Variants in DCLRE1B observed in about 807,000 individuals in gnomAD.
DCLRE1B encodes DNA cross-link repair 1B.
In DCLRE1B, 6 loss-of-function variants were observed where a neutral mutation model predicts 19.8. The observed-to-expected ratio is 0.30, with a 90% confidence interval of 0.17 to 0.60. The LOEUF is 0.60. Ranked by LOEUF, DCLRE1B falls within the 20% of genes least tolerant of loss-of-function variation. The pLI is 0.87. For synonymous variants in DCLRE1B, 258 were observed against 255.7 expected, an observed-to-expected ratio of 1.01 and a Z score of -0.09; for missense variants, 622 against 654.2, an observed-to-expected ratio of 0.95 and a Z score of 0.54.
chr1:113,905,484 T>A lies in DCLRE1B; in HGVS notation c.-103T>A. ...TTTCCCTTAGGGTCTCTGGCCCTGT[T>A]CTTGCCCCAGCATGACTTTTATCGG... On this transcript the variant is annotated 5_prime_UTR_variant, in exon 1 of 4. Transcript: ENST00000650450. The A allele has an allele frequency of 8.1e-7, 1 of 1,227,814 alleles. No individual in the cohort carries two copies. The highest frequency in any genetic ancestry group is 1.2e-6 in the Non-Finnish European group (1 of 854,712). 76.1% of individuals were successfully genotyped at this position (1,227,814 alleles called of 1,614,324 possible).
At chr1:113,908,326 G>A (rs1175377244) in intron 3 of DCLRE1B, 135 bp downstream of exon 3, 3 of 1,208,758 alleles carry the variant, frequency 2.5e-6, no homozygotes, top group Non-Finnish European at 3.4e-6. Context: ...ATTGCAACCT[G>A]GCTAGGTGTG....
chr1:113,907,209 T>TTTTTTTC (rs1669060705), intron 2 of DCLRE1B, 48 bp downstream of exon 2: 1 of 729,400 alleles, frequency 1.4e-6, no homozygotes, highest in Non-Finnish European at 1.8e-6. Flanking sequence ...TAGATGTTTT[T>TTTTTTTC]TTTTTTTTTT....
intron 3 of DCLRE1B, among the ~76,000 whole-genome samples, chr1:113,908,913 A>G (rs1425899015): frequency 6.6e-6 from 1 of 152,224 alleles, no homozygotes; most frequent in African/African-American, 2.4e-5. Context: ...ACAGGCACAC[A>G]GTGGGCAAGG....
intron 3 of DCLRE1B, among the ~76,000 whole-genome samples, chr1:113,909,923 A>G (rs1047151326): frequency 3.9e-5 from 6 of 152,216 alleles, no homozygotes; most frequent in African/African-American, 1.4e-4. Context: ...TCAGGAATAA[A>G]GTGGATATAA....
chr1:113,904,769 CT>C, upstream of DCLRE1B: 2 of 1,465,754 alleles, frequency 1.4e-6, no homozygotes, highest in Non-Finnish European at 1.9e-6. Context: ...AACTCGAGGG[CT>C]CCTTCTCGTC....
chr1:113,911,232 C>T lies in DCLRE1B; in HGVS notation c.640C>T (p.Leu214=), dbSNP rs1354310819. Residue 214 remains leucine (L), a synonymous_variant, in exon 4 of 4, where the codon CTG becomes TTG. Coordinates refer to ENST00000650450, the MANE Select transcript of DCLRE1B (RefSeq NM_022836.4). ...TCGGCGCCTGGAGTTGGTACAGCTA[C>T]TGGGCCTGGCAGATGTGTTCACAGT... ...SPRRLELVQL[L]GLADVFTVEE... The T allele has an allele frequency of 2.5e-6, 4 of 1,614,208 alleles. No individual in the cohort carries two copies. In the South Asian group the frequency reaches 4.4e-5, roughly 18 times the overall value.
At chr1:113,908,260 T>G in intron 3 of DCLRE1B, 69 bp downstream of exon 3, 1 of 1,545,788 alleles carries the variant, frequency 6.5e-7, no homozygotes, top group South Asian at 1.3e-5. Flanking sequence ...GATTCTCACA[T>G]CTTTCAGATC....
rs34713392 is a variant in DCLRE1B, at chr1:113,905,598, C to T, written c.12C>T (p.Val4=). ...CCAACCCTACCACCATGAATGGGGT[C>T]CTGATCCCCCATACGCCCATCGCAG... MNG[V]LIPHTPIAVD... The change falls in exon 1 of 4, where the codon GTC becomes GTT. Residue 4 remains valine, a synonymous_variant. Transcript: ENST00000650450. 1.4e-5 allele frequency: 22 copies of T among 1,614,044 alleles called. No individual in the cohort carries two copies. Among genetic ancestry groups the T allele is most frequent in the Non-Finnish European group, 1.6e-5 (19 of 1,180,032 alleles).
intron 3 of DCLRE1B, among the ~76,000 whole-genome samples, chr1:113,909,596 G>A (rs1461245353): frequency 1.3e-5 from 2 of 152,136 alleles, no homozygotes; most frequent in Non-Finnish European, 2.9e-5. Context: ...TCTACTCTCA[G>A]GATTGCTTAG....
In DCLRE1B at chr1:113,907,150, T is replaced by A; in HGVS notation, c.344T>A (p.Ile115Asn). 6.4e-7 allele frequency: 1 copy of A among 1,564,114 alleles called. No individual in the cohort carries two copies. Among genetic ancestry groups the A allele is most frequent in the Non-Finnish European group, 8.7e-7 (1 of 1,149,420 alleles). ...MFLFEGYFGT[I>N]LYTGDFRYTP... Reference sequence around the variant, plus strand: ...CTCTTTGAAGGATATTTTGGAACCATCCTCTACACAGGTGGGCCTCTCAAG... The same window carrying A: ...CTCTTTGAAGGATATTTTGGAACCAACCTCTACACAGGTGGGCCTCTCAAG... Residue 115 changes from isoleucine to asparagine, a missense_variant, in exon 2 of 4, where the codon ATC (isoleucine) becomes AAC (asparagine). Around this residue, in one of 3 missense-constraint regions of DCLRE1B, gnomAD observed 237 missense variants for 223.8 expected, o/e 1.06. Transcript: ENST00000650450.
At position 113,911,734 on chromosome 1, in the gene DCLRE1B, G is replaced by C; in HGVS notation, c.1142G>C (p.Trp381Ser). The C allele has an allele frequency of 1.2e-6, 2 of 1,614,170 alleles. No individual in the cohort carries two copies. The highest frequency in any genetic ancestry group is 1.1e-5 in the South Asian group (1 of 91,084). ...GCCAAGAAAGAGAAACTTTCTCCCT[G>C]GCCTGCGGACCTTGAAAAGCAGCCT... ...KKAKKEKLSP[W>S]PADLEKQPSH... The change falls in exon 4 of 4, where the codon TGG (tryptophan) becomes TCG (serine). Residue 381 changes from tryptophan (W) to serine (S), a missense_variant. Transcript: ENST00000650450.
chr1:113,905,653 A>C lies in DCLRE1B; in HGVS notation c.67A>C (p.Thr23Pro). Residue 23 changes from threonine (T) to proline (P), a missense_variant, in exon 1 of 4, where the codon ACC becomes CCC. Transcript: ENST00000650450. ...VDFWSLRRAGTARLFFLSHMH... is the reference protein window; with the variant it reads ...VDFWSLRRAGPARLFFLSHMH... ...CTTCTGGAGCCTGCGCCGGGCTGGC[A>C]CCGCACGTCTCTTCTTCTTGTCTCA... 1 of 1,614,108 alleles carries C rather than the reference A, an allele frequency of 6.2e-7. No homozygotes were observed. Among genetic ancestry groups the C allele is most frequent in the Non-Finnish European group, 8.5e-7 (1 of 1,180,022 alleles).
upstream of DCLRE1B, chr1:113,905,065 T>G: frequency 2.6e-6 from 1 of 380,474 alleles, no homozygotes; most frequent in Non-Finnish European, 5.1e-6. Flanking sequence ...CCAGCCTTAA[T>G]TCCCCCTCCA....
In DCLRE1B at chr1:113,907,037, C is replaced by G. The variant is rs1352919072; in HGVS notation, c.231C>G (p.Ser77Arg). ...TCCAAGCCCTGGAGGTTGGTGAGAGCCATGTATTACCCCTAGATGAAATTG... is the reference window on the plus strand; with the variant it reads ...TCCAAGCCCTGGAGGTTGGTGAGAGGCATGTATTACCCCTAGATGAAATTG... ...QWIQALEVGE[S>R]HVLPLDEIGQ... The change falls in exon 2 of 4, where the codon AGC becomes AGG. Residue 77 changes from serine (S) to arginine (R), a missense_variant. Transcript: ENST00000650450. The G allele has an allele frequency of 6.2e-7, 1 of 1,613,820 alleles. No individual in the cohort carries two copies. The highest frequency in any genetic ancestry group is 1.7e-5 in the Admixed American group (1 of 59,984).
At chr1:113,907,955 T>C in intron 2 of DCLRE1B, 54 bp from the exon 3 acceptor site, 1 of 1,558,174 alleles carries the variant, frequency 6.4e-7, no homozygotes. Context: ...AGGAGAGGCT[T>C]GTCTTCTATT....
chr1:113,905,746 A>C lies in DCLRE1B; in HGVS notation c.160A>C (p.Thr54Pro), dbSNP rs555138326. Residue 54 changes from threonine (T) to proline (P), a missense_variant, in exon 1 of 4, where the codon ACA becomes CCA. By Grantham distance (38) the Thr-to-Pro change is conservative. This residue lies in a region of DCLRE1B where 237 missense variants were observed against 223.8 expected (regional missense o/e 1.06). Transcript: ENST00000650450. ...WARPLYCSPI[T>P]AHLLHRHLQV... is the part of the protein sequence containing the mutation. Reference sequence around the variant, plus strand: ...CCGGCCCCTCTACTGCTCCCCAATTACAGCCCACCTCTTGCATCGTCACCT... The same window carrying C: ...CCGGCCCCTCTACTGCTCCCCAATTCCAGCCCACCTCTTGCATCGTCACCT... 2 of 1,613,696 alleles carry C rather than the reference A, an allele frequency of 1.2e-6. No individual in the cohort carries two copies. The highest frequency in any genetic ancestry group is 1.7e-6 in the Non-Finnish European group (2 of 1,179,834).
chr1:113,904,991 C>G, upstream of DCLRE1B: 1 of 456,904 alleles, frequency 2.2e-6, no homozygotes, highest in Non-Finnish European at 4.1e-6. Context: ...CCCGCTACTT[C>G]TAGGTCCTCC....
Position 113,908,067 on chromosome 1 carries a change from G to C in DCLRE1B, c.414G>C (p.Gln138His), listed in dbSNP as rs141962323. ...LKEPALTLGK[Q>H]IHTLYLDNTN... is the part of the protein sequence containing the mutation. ...AGCCAGCCCTGACACTGGGGAAACA[G>C]ATCCATACTTTATACCTAGACAACA... The change falls in exon 3 of 4, where the codon CAG becomes CAC. Residue 138 changes from glutamine (Q) to histidine (H), a missense_variant. Coordinates refer to ENST00000650450, the MANE Select transcript of DCLRE1B (RefSeq NM_022836.4). The C allele has an allele frequency of 1.9e-6, 3 of 1,614,192 alleles. No homozygotes were observed. Among genetic ancestry groups the C allele is most frequent in the African/African-American group, 2.7e-5 (2 of 75,042 alleles).
In DCLRE1B at chr1:113,911,392, A is replaced by T. The variant is rs749871571; in HGVS notation, c.800A>T (p.Asp267Val). The T allele has an allele frequency of 3.7e-6, 6 of 1,614,022 alleles. No individual in the cohort carries two copies. Among genetic ancestry groups the T allele is most frequent in the African/African-American group, 2.7e-5 (2 of 74,902 alleles). The change falls in exon 4 of 4, where the codon GAT (aspartate) becomes GTT (valine). Residue 267 changes from aspartate to valine, a missense_variant. By Grantham distance (152) the Asp-to-Val change is radical. Around this residue, in one of 3 missense-constraint regions of DCLRE1B, gnomAD observed 382 missense variants for 412.5 expected, o/e 0.93. Transcript: ENST00000650450. ...CGAAAAATCCACAGCTCCCACCCTGATATCCACGTCATCCCTTACTCTGAC... is the reference window on the plus strand; with the variant it reads ...CGAAAAATCCACAGCTCCCACCCTGTTATCCACGTCATCCCTTACTCTGAC... ...TSRKIHSSHP[D>V]IHVIPYSDHS...
Sources: gnomAD v4.1 joint callset for allele counts (sites outside exome capture counted in the v4.1 genomes callset) on GRCh38, gnomAD v4.1.1 for gene constraint, gnomAD v4.1.1 regional missense constraint, MANE v1.5 for transcripts, NCBI Gene and HGNC (gene_info 2026-07-23, HGNC 2026-07-21) for gene names.